TDRD3: variants seen among roughly 807,000 people sequenced by gnomAD.
TDRD3 encodes tudor domain-containing protein 3.
In TDRD3, 45 loss-of-function variants were observed where a neutral mutation model predicts 86.7. The observed-to-expected ratio is 0.52, with a 90% CI of 0.41 to 0.67. The LOEUF is 0.67. TDRD3 is among the 30% of genes least tolerant of loss of function. The probability of loss-of-function intolerance (pLI) is 0.00; values close to 1 mark genes in which losing one functional copy is unlikely to be tolerated. For missense variants in TDRD3, 814 were observed against 889.0 expected (o/e 0.92, Z 1.07); for synonymous variants, 298 against 301.7 (o/e 0.99, Z 0.13).
intron 8 of TDRD3, among the ~76,000 whole-genome samples, chr13:60,500,874 A>C (rs1956815512): frequency 6.6e-6 from 1 of 152,194 alleles, no homozygotes. Context: ...AGTGGATAGG[A>C]TGACCCATTC....
At chr13:60,507,563 C>T (rs911275007) in intron 8 of TDRD3, among the ~76,000 whole-genome samples, 4 of 152,168 alleles carry the variant, frequency 2.6e-5, no homozygotes, top group Non-Finnish European at 4.4e-5. Context: ...TAGGTGGAAA[C>T]TGAACAACCT....
intron 3 of TDRD3, among the ~76,000 whole-genome samples, chr13:60,449,086 C>T (rs1955474482): frequency 6.6e-6 from 1 of 152,110 alleles, no homozygotes; most frequent in African/African-American, 2.4e-5. Context: ...GCAATACTGA[C>T]ATCAACCACA....
At chr13:60,395,905 T>C (rs1172187482), upstream of TDRD3, among the ~76,000 whole-genome samples, 1 of 152,208 alleles carries the variant, frequency 6.6e-6, no homozygotes, top group African/African-American at 2.4e-5. Flanking sequence ...GATCTAAAAT[T>C]ATCTAAACAA....
At chr13:60,558,566 C>G (rs1401082595) in intron 12 of TDRD3, among the ~76,000 whole-genome samples, 1 of 152,066 alleles carries the variant, frequency 6.6e-6, no homozygotes, top group African/African-American at 2.4e-5. Context: ...TAACTGGTTT[C>G]TTTTTATGGG....
intron 3 of TDRD3, among the ~76,000 whole-genome samples, chr13:60,459,003 A>G (rs904080550): frequency 3.3e-5 from 5 of 152,188 alleles, no homozygotes; most frequent in Non-Finnish European, 7.4e-5. Flanking sequence ...ACAGTTTCGG[A>G]CTTGCTTCAA....
chr13:60,492,543 A>T (rs990892283), intron 7 of TDRD3, among the ~76,000 whole-genome samples: 6 of 152,244 alleles, frequency 3.9e-5, no homozygotes, highest in African/African-American at 1.4e-4. Flanking sequence ...GGCCAAGATA[A>T]GTCCCAGCCT....
At position 60,497,164 on chromosome 13, in the gene TDRD3, C is replaced by T. The variant is rs140779004; in HGVS notation, c.858+2589C>T. 3.3e-3 allele frequency among the ~76,000 whole-genome samples: 497 copies of T among 152,170 alleles called. 3 individuals are homozygous for T. The highest frequency in any genetic ancestry group is 0.023 in the East Asian group (121 of 5,162). On this transcript the variant is annotated intron_variant, in intron 8 of 13. Transcript: ENST00000377881. ...GTGGAAGTCAACGGCGGGTCTGGGA[C>T]GGCGGTGAACAGCAGTGGTGGATGG... is the stretch of plus-strand genomic sequence containing the variant.
At chr13:60,501,341 C>A (rs1003754466) in intron 8 of TDRD3, among the ~76,000 whole-genome samples, 7 of 152,202 alleles carry the variant, frequency 4.6e-5, no homozygotes, top group African/African-American at 1.7e-4. Context: ...TGTGTCCATG[C>A]ATTGTTCTGT....
intron 2 of TDRD3, 46 bp downstream of exon 2, chr13:60,439,818 G>A (rs1955212349): frequency 5.2e-6 from 7 of 1,340,172 alleles, no homozygotes; most frequent in Non-Finnish European, 5.0e-6. Flanking sequence ...TCTGGAAGCT[G>A]TATTCATAAA....
At position 60,537,312 on chromosome 13, in the gene TDRD3, T is replaced by G. The variant is rs1004625046; in HGVS notation, c.2118+2079T>G. Reference sequence around the variant, plus strand: ...TCTTTATCTGCATAAATAATTAACTTAGTTGAGAGAAATATCTCCTCGAAA... The same window carrying G: ...TCTTTATCTGCATAAATAATTAACTGAGTTGAGAGAAATATCTCCTCGAAA... On this transcript the variant is annotated intron_variant, in intron 12 of 13. Coordinates refer to ENST00000377881, the MANE Select transcript of TDRD3 (RefSeq NM_001146070.2). 6 of 152,036 alleles carry G rather than the reference T, an allele frequency of 3.9e-5. No individual in the cohort carries two copies. In the East Asian group the frequency reaches 1.2e-3, roughly 29 times the overall value. The allele number at this position is 152,036 out of a possible 1,614,324, so 9.4% of individuals were successfully genotyped here. A position where few individuals can be genotyped will look rare whatever the true frequency, so the allele number is the denominator to read the frequency against.
At position 60,473,829 on chromosome 13, in the gene TDRD3, C is replaced by CT. The variant is rs767978458; in HGVS notation, c.495+6451dup. Among the ~76,000 whole-genome samples the CT allele has an allele frequency of 4.8e-4, 73 of 152,308 alleles. 1 individual carries two copies. The highest frequency in any genetic ancestry group is 9.1e-4 in the Admixed American group (14 of 15,302). ...CCTGGGCTAGCAGTAACGCCCTCGCCTGGGAAGGTGCCGATTACCTAGTGG... is the reference window on the plus strand; with the variant it reads ...CCTGGGCTAGCAGTAACGCCCTCGCCTTGGGAAGGTGCCGATTACCTAGTGG... On this transcript the variant is annotated intron_variant, in intron 5 of 13. Coordinates refer to ENST00000377881, the MANE Select transcript of TDRD3 (RefSeq NM_001146070.2).
intron 3 of TDRD3, among the ~76,000 whole-genome samples, chr13:60,455,885 T>C (rs1371600396): frequency 6.6e-6 from 1 of 151,908 alleles, no homozygotes; most frequent in African/African-American, 2.4e-5. Flanking sequence ...CTGGCCAACA[T>C]GGTGAAACCC....
At chr13:60,530,751 G>A (rs150466880) in intron 11 of TDRD3, among the ~76,000 whole-genome samples, 176 of 151,980 alleles carry the variant, frequency 1.2e-3, no homozygotes, top group African/African-American at 4.1e-3. Flanking sequence ...CACCACGCCC[G>A]GCCCAAAATA....
intron 10 of TDRD3, among the ~76,000 whole-genome samples, chr13:60,526,224 A>G (rs1182279111): frequency 6.6e-6 from 1 of 152,192 alleles, no homozygotes; most frequent in Non-Finnish European, 1.5e-5. Context: ...TATTTATTCA[A>G]TGTACTATAC....
At chr13:60,516,271 A>G (rs1030087257) in intron 10 of TDRD3, among the ~76,000 whole-genome samples, 1 of 152,216 alleles carries the variant, frequency 6.6e-6, no homozygotes, top group Non-Finnish European at 1.5e-5. Context: ...TTGTTATGTC[A>G]TATCAGATTC....
At chr13:60,519,188 C>A (rs1037242727) in intron 10 of TDRD3, among the ~76,000 whole-genome samples, 3 of 152,014 alleles carry the variant, frequency 2.0e-5, no homozygotes, top group African/African-American at 7.2e-5. Flanking sequence ...ATTGTCCGTT[C>A]GCTTATACAT....
At chr13:60,524,869 C>T (rs563350091) in intron 10 of TDRD3, among the ~76,000 whole-genome samples, 2 of 151,470 alleles carry the variant, frequency 1.3e-5, no homozygotes, top group Non-Finnish European at 2.9e-5. Flanking sequence ...GAGGCCTAGG[C>T]GGGTAGATCA....
intron 12 of TDRD3, among the ~76,000 whole-genome samples, chr13:60,563,580 C>T (rs1188999951): frequency 6.6e-6 from 1 of 152,158 alleles, no homozygotes; most frequent in African/African-American, 2.4e-5. Flanking sequence ...TTAGCAGCAT[C>T]CTTGGCCTCT....
intron 12 of TDRD3, among the ~76,000 whole-genome samples, chr13:60,559,268 C>T (rs748377837): frequency 5.9e-5 from 9 of 152,074 alleles, no homozygotes; most frequent in Non-Finnish European, 8.8e-5. Context: ...AGTAACGTGC[C>T]TATGATGTGG....
Sources: allele counts gnomAD v4.1 joint callset (sites outside exome capture counted in the v4.1 genomes callset), GRCh38; gene constraint gnomAD v4.1.1; transcripts MANE v1.5; gene names NCBI Gene and HGNC (gene_info 2026-07-23, HGNC 2026-07-21).